RBFA: variants seen among roughly 807,000 people sequenced by gnomAD.
RBFA encodes the protein ribosome binding factor A.
A neutral mutation model predicts 27.9 loss-of-function variants in RBFA; 16 were observed. The observed-to-expected ratio is 0.57, with a 90% CI of 0.39 to 0.87. The LOEUF (loss-of-function observed/expected upper bound fraction) is 0.87, where lower values mean the gene tolerates loss of function less well. Ranked by LOEUF, RBFA falls within the 40% of genes least tolerant of loss-of-function variation. The pLI, the probability that RBFA is intolerant of heterozygous loss-of-function variation, is 0.00. For missense variants in RBFA, 456 were observed against 432.1 expected, an observed-to-expected ratio of 1.06 and a Z score of -0.49; for synonymous variants, 181 against 181.0, an observed-to-expected ratio of 1.00 and a Z score of 0.00.
rs556912725 is a variant in RBFA, at chr18:80,049,153, C to T, written c.*2998C>T. Among the ~76,000 whole-genome samples, 7 of 151,162 alleles carry T rather than the reference C, an allele frequency of 4.6e-5. No individual in the cohort carries two copies. The South Asian group carries it at 1.3e-3, about 27-fold the overall frequency. On this transcript the variant is annotated 3_prime_UTR_variant, in exon 7 of 7. Transcript: ENST00000306735. ...TGAATGGGTCCACTCCTGGGGATTTCCGCGGCCTTCCCTGGGAGCGGGTTA... is the reference window on the plus strand; with the variant it reads ...TGAATGGGTCCACTCCTGGGGATTTTCGCGGCCTTCCCTGGGAGCGGGTTA...
chr18:80,042,389 GTAA>G (rs1205615991), intron 5 of RBFA, among the ~76,000 whole-genome samples, 170 bp downstream of exon 5: 1 of 152,034 alleles, frequency 6.6e-6, no homozygotes, highest in Non-Finnish European at 1.5e-5. Context: ...CCGGGCCCAG[GTAA>G]TAATTAACTT....
rs559408820 is a variant in RBFA, at chr18:80,047,688, A to G, written c.*1533A>G. Among the ~76,000 whole-genome samples, 1 of 111,088 alleles carries G rather than the reference A, an allele frequency of 9.0e-6. No homozygotes were observed. The highest frequency in any genetic ancestry group is 1.1e-4 in the Admixed American group (1 of 9,372). 72.9% of individuals were successfully genotyped at this position (111,088 alleles called of 152,430 possible). A position where few individuals can be genotyped will look rare whatever the true frequency, so the allele number is the denominator to read the frequency against. ...AGACAAAACCCCACATGATGGTATGAGTAGGAGAGAGAAAAAAAAAAGGGA... is the reference window on the plus strand; with the variant it reads ...AGACAAAACCCCACATGATGGTATGGGTAGGAGAGAGAAAAAAAAAAGGGA... On this transcript the variant is annotated 3_prime_UTR_variant, in exon 7 of 7. Transcript: ENST00000306735.
chr18:80,041,657 A>C (rs955632304), intron 4 of RBFA: 2 of 152,132 alleles, frequency 1.3e-5, no homozygotes, highest in African/African-American at 4.8e-5. Flanking sequence ...TAGTTGACTA[A>C]AGATGACTCT....
At chr18:80,043,713 G>T (rs1270332307) in intron 5 of RBFA, among the ~76,000 whole-genome samples, 1 of 152,234 alleles carries the variant, frequency 6.6e-6, no homozygotes, top group Admixed American at 6.5e-5. Flanking sequence ...GTGGGCCATT[G>T]CCATGGTGTG....
At chr18:80,035,906 T>C (rs1191350254) in intron 1 of RBFA, 2 of 152,242 alleles carry the variant, frequency 1.3e-5, no homozygotes, top group Non-Finnish European at 2.9e-5. Flanking sequence ...GGGGTTTTGC[T>C]GGGTTCTGTG....
Position 80,046,312 on chromosome 18 carries a change from C to A in RBFA, c.*157C>A. On this transcript the variant is annotated 3_prime_UTR_variant, in exon 7 of 7. Transcript: ENST00000306735. The stretch of plus-strand genomic sequence containing the variant: ...CCGTGTATCTAAACACAATTTGCTA[C>A]ACAAGTCACTGTTTTTTTTTCCATG... The A allele has an allele frequency of 3.7e-6, 3 of 815,682 alleles. No individual in the cohort carries two copies. Among genetic ancestry groups the A allele is most frequent in the Non-Finnish European group, 5.7e-6 (3 of 526,664 alleles). The allele number at this position is 815,682 out of a possible 1,614,324, so 50.5% of individuals were successfully genotyped here. A position where few individuals can be genotyped will look rare whatever the true frequency, so the allele number is the denominator to read the frequency against.
At chr18:80,037,297 T>A (rs2051985755) in intron 2 of RBFA, 33 bp from the exon 3 acceptor site, 1 of 1,598,484 alleles carries the variant, frequency 6.3e-7, no homozygotes, top group Non-Finnish European at 8.6e-7. Flanking sequence ...GTTGTAACGC[T>A]GCCCTTGGGG....
chr18:80,044,400 T>C lies in RBFA; in HGVS notation c.650+115T>C. The C allele has an allele frequency of 4.3e-6, 4 of 937,690 alleles. No individual in the cohort carries two copies. In the South Asian group the frequency reaches 5.5e-5, roughly 13 times the overall value. The allele number at this position is 937,690 out of a possible 1,614,324, so 58.1% of individuals were successfully genotyped here. ...TCCCGAGTAGCCTGCATGATCCCCA[T>C]GGCACTTGCCTCCAGGGCCGGCAAT... is the stretch of plus-strand genomic sequence containing the variant. On this transcript the variant is annotated intron_variant, in intron 6 of 6. Transcript: ENST00000306735.
Position 80,049,623 on chromosome 18 carries a change from A to G in RBFA, c.*3468A>G, listed in dbSNP as rs2052082648. On this transcript the variant is annotated 3_prime_UTR_variant, in exon 7 of 7. Coordinates refer to ENST00000306735, the MANE Select transcript of RBFA (RefSeq NM_024805.3). The stretch of plus-strand genomic sequence containing the variant: ...TCCCTTACCTTGTTAGTAAAGGTCA[A>G]TGGTTCTCAAAGTTCCGGGCACATC... Among the ~76,000 whole-genome samples the G allele has an allele frequency of 6.6e-6, 1 of 152,244 alleles. No homozygotes were observed. The highest frequency in any genetic ancestry group is 2.1e-4 in the South Asian group (1 of 4,832).
chr18:80,037,680 G>A (rs2051989851), intron 3 of RBFA, among the ~76,000 whole-genome samples, 174 bp downstream of exon 3: 1 of 152,202 alleles, frequency 6.6e-6, no homozygotes, highest in Non-Finnish European at 1.5e-5. Context: ...ACGAGGCCAG[G>A]AGATTGAGAC....
At position 80,045,921 on chromosome 18, in the gene RBFA, G is replaced by A. The variant is rs370945335; in HGVS notation, c.798G>A (p.Gly266=). ...DKGLGGLVWQ[G]QVAELTTQMK... is the part of the protein sequence containing the mutation. ...GGCTCGGGGGCCTGGTGTGGCAGGG[G>A]CAGGTGGCTGAGCTGACAACGCAGA... The change falls in exon 7 of 7, where the codon GGG becomes GGA. Residue 266 remains glycine (G), a synonymous_variant. Coordinates refer to ENST00000306735, the MANE Select transcript of RBFA (RefSeq NM_024805.3). 6 of 1,613,790 alleles carry A rather than the reference G, an allele frequency of 3.7e-6. No homozygotes were observed. The African/African-American group carries it at 5.3e-5, about 14-fold the overall frequency.
rs757126631 is a variant in RBFA at position 80,042,168 on chromosome 18, T to C, written c.525T>C (p.Asn175=). The C allele has an allele frequency of 6.2e-7, 1 of 1,611,560 alleles. No homozygotes were observed. Among genetic ancestry groups the C allele is most frequent in the Non-Finnish European group, 8.5e-7 (1 of 1,178,354 alleles). ...HLLMSQQTLR[N]VPPIVFVQDK... Reference sequence around the variant, plus strand: ...TGATGTCCCAGCAGACCCTGAGGAATGTGCCACCGATAGTGTTTGTTCAAG... The same window carrying C: ...TGATGTCCCAGCAGACCCTGAGGAACGTGCCACCGATAGTGTTTGTTCAAG... The change falls in exon 5 of 7, where the codon AAT becomes AAC. Residue 175 remains asparagine (N), a synonymous_variant. Coordinates refer to ENST00000306735, the MANE Select transcript of RBFA (RefSeq NM_024805.3).
In RBFA at chr18:80,048,400, C is replaced by T. The variant is rs1347195047; in HGVS notation, c.*2245C>T. 6.6e-6 allele frequency among the ~76,000 whole-genome samples: 1 copy of T among 152,184 alleles called. No individual in the cohort carries two copies. The highest frequency in any genetic ancestry group is 1.5e-5 in the Non-Finnish European group (1 of 68,032). The stretch of plus-strand genomic sequence containing the variant: ...GAGAGAACGCCCTCAATGGTGTGTC[C>T]TTTGCATACACACCTTTGCATGCAT... On this transcript the variant is annotated 3_prime_UTR_variant, in exon 7 of 7. Coordinates refer to ENST00000306735, the MANE Select transcript of RBFA (RefSeq NM_024805.3).
chr18:80,036,682 A>T lies in RBFA; in HGVS notation c.173A>T (p.Tyr58Phe). 1.9e-6 allele frequency: 3 copies of T among 1,612,804 alleles called. No homozygotes were observed. Among genetic ancestry groups the T allele is most frequent in the Non-Finnish European group, 2.5e-6 (3 of 1,179,140 alleles). ...TCTCCCCAAAGAAAAAAGGTTTGGTATGAAAGTCCTTCCTTGGGTTCTCAC... is the reference window on the plus strand; with the variant it reads ...TCTCCCCAAAGAAAAAAGGTTTGGTTTGAAAGTCCTTCCTTGGGTTCTCAC... ...FASKTKKKVWYESPSLGSHST... is the reference protein window; with the variant it reads ...FASKTKKKVWFESPSLGSHST... The change falls in exon 2 of 7, where the codon TAT becomes TTT. Residue 58 changes from tyrosine (Y) to phenylalanine (F), a missense_variant. By Grantham distance (22) the Tyr-to-Phe change is conservative. Coordinates refer to ENST00000306735, the MANE Select transcript of RBFA (RefSeq NM_024805.3).
Position 80,037,429 on chromosome 18 carries a change from T to C in RBFA, c.301T>C (p.Tyr101His). Residue 101 changes from tyrosine to histidine, a missense_variant, in exon 3 of 7, where the codon TAT (tyrosine) becomes CAT (histidine). By Grantham distance (83) the Tyr-to-His change is moderately conservative. Coordinates refer to ENST00000306735, the MANE Select transcript of RBFA (RefSeq NM_024805.3). ...CCTGAGGGCCCTGAACGGCCTCCTC[T>C]ATAAGGCACTGACAGACCTGCTGTG... ...ARLRALNGLL[Y>H]KALTDLLCTP... 1 of 1,614,152 alleles carries C rather than the reference T, an allele frequency of 6.2e-7. No individual in the cohort carries two copies. The highest frequency in any genetic ancestry group is 8.5e-7 in the Non-Finnish European group (1 of 1,180,022).
At position 80,050,311 on chromosome 18, in the gene RBFA, C is replaced by T. The variant is rs150648152; in HGVS notation, c.*4156C>T. On this transcript the variant is annotated 3_prime_UTR_variant, in exon 7 of 7. Coordinates refer to ENST00000306735, the MANE Select transcript of RBFA (RefSeq NM_024805.3). ...AGGGAGGGAACTGGGGAGGACAGGT[C>T]ATGATCAGTGTTTCCTGATTAAAAA... is the stretch of plus-strand genomic sequence containing the variant. Among the ~76,000 whole-genome samples, 253 of 152,204 alleles carry T rather than the reference C, an allele frequency of 1.7e-3. 1 individual carries two copies. Among genetic ancestry groups the T allele is most frequent in the African/African-American group, 5.8e-3 (242 of 41,514 alleles).
chr18:80,040,004 G>A (rs554241762), intron 4 of RBFA, among the ~76,000 whole-genome samples: 35 of 152,234 alleles, frequency 2.3e-4, no homozygotes, highest in African/African-American at 8.4e-4. Context: ...CTGCCTCCCG[G>A]GTTCAAGTGA....
rs1353312882 is a variant in RBFA at position 80,045,815 on chromosome 18, C to T, written c.692C>T (p.Thr231Ile). Reference protein sequence around the residue: ...APQPCGTTEPTTSSSLCGIDH... With the variant: ...APQPCGTTEPITSSSLCGIDH... ...CAACCCTGCGGCACCACAGAGCCGA[C>T]CACAAGCTCCAGTCTGTGTGGGATC... is the stretch of plus-strand genomic sequence containing the variant. The change falls in exon 7 of 7, where the codon ACC becomes ATC. Residue 231 changes from threonine to isoleucine, a missense_variant. Thr to Ile is a moderately conservative substitution (Grantham distance 89). Transcript: ENST00000306735. The T allele has an allele frequency of 1.3e-6, 2 of 1,526,330 alleles. No individual in the cohort carries two copies. The highest frequency in any genetic ancestry group is 2.1e-5 in the Admixed American group (1 of 46,662). 94.5% of individuals were successfully genotyped at this position (1,526,330 alleles called of 1,614,324 possible). A position where few individuals can be genotyped will look rare whatever the true frequency, so the allele number is the denominator to read the frequency against.
chr18:80,045,769 C>T lies in RBFA; in HGVS notation c.651-5C>T, dbSNP rs756693098. 2 of 1,511,108 alleles carry T rather than the reference C, an allele frequency of 1.3e-6. No individual in the cohort carries two copies. The highest frequency in any genetic ancestry group is 1.8e-6 in the Non-Finnish European group (2 of 1,130,492). 93.6% of individuals were successfully genotyped at this position (1,511,108 alleles called of 1,614,324 possible). ...CTTGGTGTGAAGCCTCTTCTTCCTT[C>T]CCAGGGACCCTGATGCCCCACAACC... On this transcript the variant is annotated splice_polypyrimidine_tract_variant and splice_region_variant and intron_variant, in intron 6 of 6. Coordinates refer to ENST00000306735, the MANE Select transcript of RBFA (RefSeq NM_024805.3).
Sources: allele counts gnomAD v4.1 joint callset (sites outside exome capture counted in the v4.1 genomes callset), GRCh38; gene constraint gnomAD v4.1.1; transcripts MANE v1.5; gene names NCBI Gene and HGNC (gene_info 2026-07-23, HGNC 2026-07-21).